MACROD2: variants seen among roughly 807,000 people sequenced by gnomAD.
The protein encoded by MACROD2 is mono-ADP ribosylhydrolase 2.
Under a neutral mutation model 70.4 loss-of-function variants are expected in MACROD2, and 36 were observed. That is an observed-to-expected ratio of 0.51 (90% confidence interval 0.39 to 0.68). The LOEUF is 0.68. MACROD2 is among the 30% of genes least tolerant of loss of function. The pLI, the probability that MACROD2 is intolerant of heterozygous loss-of-function variation, is 0.00. For synonymous variants in MACROD2, 172 were observed against 178.8 expected, an observed-to-expected ratio of 0.96 and a Z score of 0.30; for missense variants, 496 against 538.4, an observed-to-expected ratio of 0.92 and a Z score of 0.78.
intron 15 of MACROD2, among the ~76,000 whole-genome samples, chr20:15,994,999 T>A (rs1444187767): frequency 6.6e-6 from 1 of 152,168 alleles, no homozygotes; most frequent in Non-Finnish European, 1.5e-5. Context: ...TGAAAACTAC[T>A]ACACTGAGAC....
At chr20:14,727,118 G>A (rs964000056) in intron 5 of MACROD2, among the ~76,000 whole-genome samples, 6 of 152,130 alleles carry the variant, frequency 3.9e-5, no homozygotes, top group African/African-American at 1.4e-4. Context: ...TCATTAGGCT[G>A]AAAAGCATGC....
chr20:15,430,834 T>A (rs917949204), intron 6 of MACROD2, among the ~76,000 whole-genome samples: 3 of 152,004 alleles, frequency 2.0e-5, no homozygotes, highest in African/African-American at 4.8e-5. Context: ...TTTCACAGAA[T>A]GCTTTTGTTG....
chr20:14,724,119 T>C (rs2071501223), intron 5 of MACROD2, among the ~76,000 whole-genome samples: 1 of 152,188 alleles, frequency 6.6e-6, no homozygotes, highest in Admixed American at 6.5e-5. Flanking sequence ...CATTCAAATA[T>C]GCTGAGTGTT....
chr20:15,570,374 C>T (rs986907861), intron 8 of MACROD2, among the ~76,000 whole-genome samples: 1 of 152,138 alleles, frequency 6.6e-6, no homozygotes. Flanking sequence ...GCAAAGTTCT[C>T]TAATATGTAC....
chr20:14,293,644 G>A (rs1214935091), intron 3 of MACROD2, among the ~76,000 whole-genome samples: 3 of 151,896 alleles, frequency 2.0e-5, no homozygotes, highest in Non-Finnish European at 4.4e-5. Context: ...CTAGACCACT[G>A]TAAAGAGTGT....
At chr20:15,202,840 A>C (rs978910909) in intron 5 of MACROD2, among the ~76,000 whole-genome samples, 1 of 152,188 alleles carries the variant, frequency 6.6e-6, no homozygotes, top group Non-Finnish European at 1.5e-5. Context: ...AAGGAAAGTC[A>C]GAAGAGCAAA....
At chr20:14,254,137 AATTT>A (rs1210265931) in intron 3 of MACROD2, among the ~76,000 whole-genome samples, 1 of 152,044 alleles carries the variant, frequency 6.6e-6, no homozygotes, top group Non-Finnish European at 1.5e-5. Context: ...TTATGAAACG[AATTT>A]ATTTAATACA....
At chr20:15,020,984 G>T (rs998208050) in intron 5 of MACROD2, among the ~76,000 whole-genome samples, 1 of 147,346 alleles carries the variant, frequency 6.8e-6, no homozygotes, top group East Asian at 2.1e-4. Flanking sequence ...ATATACACAT[G>T]TGTGTATATG....
intron 3 of MACROD2, among the ~76,000 whole-genome samples, chr20:14,293,559 T>G (rs1346411796): frequency 6.6e-6 from 1 of 151,786 alleles, no homozygotes; most frequent in Non-Finnish European, 1.5e-5. Context: ...CCAAAACTGT[T>G]GCTAGATGTG....
chr20:16,019,820 C>A (rs1482576879), intron 15 of MACROD2, among the ~76,000 whole-genome samples: 1 of 152,122 alleles, frequency 6.6e-6, no homozygotes, highest in Non-Finnish European at 1.5e-5. Flanking sequence ...CAACTCCTGC[C>A]CAAGGCCCGG....
Position 14,457,698 on chromosome 20 carries a change from A to C in MACROD2, c.272-35781A>C, listed in dbSNP as rs189770888. Among the ~76,000 whole-genome samples, 209 of 152,276 alleles carry C rather than the reference A, an allele frequency of 1.4e-3. 3 individuals are homozygous for C. Among genetic ancestry groups the C allele is most frequent in the African/African-American group, 4.8e-3 (198 of 41,530 alleles). The stretch of plus-strand genomic sequence containing the variant: ...TATACCAAGGAGACCTTTGTTGGGG[A>C]AACAAGTTGAGAAATGATGATCCGT... On this transcript the variant is annotated intron_variant, in intron 3 of 17. Coordinates refer to ENST00000684519, the MANE Select transcript of MACROD2 (RefSeq NM_001351661.2).
chr20:14,562,027 A>G lies in MACROD2; in HGVS notation c.301+68519A>G, dbSNP rs139619079. ...AGTCCTTAGCAATAATCAACAATTT[A>G]CTGATTCAACAGGAGACATGTTACT... On this transcript the variant is annotated intron_variant, in intron 4 of 17. Transcript: ENST00000684519. Among the ~76,000 whole-genome samples the G allele has an allele frequency of 3.8e-3, 580 of 152,030 alleles. 5 individuals are homozygous for G. The highest frequency in any genetic ancestry group is 0.013 in the African/African-American group (559 of 41,534).
intron 6 of MACROD2, among the ~76,000 whole-genome samples, chr20:15,405,677 C>T (rs1479503668): frequency 6.6e-6 from 1 of 152,134 alleles, no homozygotes; most frequent in Non-Finnish European, 1.5e-5. Context: ...TTAATTCCTC[C>T]CACCTTGCAG....
At chr20:15,623,771 G>C (rs76916699) in intron 8 of MACROD2, among the ~76,000 whole-genome samples, 2 of 151,358 alleles carry the variant, frequency 1.3e-5, no homozygotes, top group Admixed American at 1.3e-4. Flanking sequence ...ATCTATCTAT[G>C]TGTCTATCTA....
intron 5 of MACROD2, among the ~76,000 whole-genome samples, chr20:15,215,612 T>A (rs984118415): frequency 6.6e-6 from 1 of 152,004 alleles, no homozygotes; most frequent in Non-Finnish European, 1.5e-5. Context: ...GAAAAAAGTG[T>A]GAAGGCATAT....
In MACROD2 at chr20:15,494,150, T is replaced by G. The variant is rs1190353126; in HGVS notation, c.572-5624T>G. Reference sequence around the variant, plus strand: ...TTGAAATGTGGTCAAGAGAATTTAATTAGAAAGTACATCTCAACATGCTAA... The same window carrying G: ...TTGAAATGTGGTCAAGAGAATTTAAGTAGAAAGTACATCTCAACATGCTAA... On this transcript the variant is annotated intron_variant, in intron 7 of 17. Coordinates refer to ENST00000684519, the MANE Select transcript of MACROD2 (RefSeq NM_001351661.2). 2.8e-4 allele frequency among the ~76,000 whole-genome samples: 43 copies of G among 152,212 alleles called. 1 individual carries two copies. The highest frequency in any genetic ancestry group is 4.4e-5 in the Non-Finnish European group (3 of 68,046).
intron 5 of MACROD2, among the ~76,000 whole-genome samples, chr20:14,766,705 T>C (rs1024959732): frequency 1.3e-5 from 2 of 152,154 alleles, no homozygotes; most frequent in Admixed American, 6.5e-5. Context: ...AAGGAATCCA[T>C]GTAGGATAGA....
intron 4 of MACROD2, among the ~76,000 whole-genome samples, chr20:14,681,454 TGA>T (rs2070931502): frequency 6.6e-6 from 1 of 152,100 alleles, no homozygotes; most frequent in Non-Finnish European, 1.5e-5. Flanking sequence ...ACAACACAGG[TGA>T]ATCTCAGAAA....
chr20:14,817,122 T>A (rs536087447), intron 5 of MACROD2, among the ~76,000 whole-genome samples: 24 of 152,302 alleles, frequency 1.6e-4, no homozygotes, highest in African/African-American at 5.3e-4. Context: ...TTTCCTTTCA[T>A]CCTCTTGTTT....
Sources: allele counts gnomAD v4.1 joint callset (sites outside exome capture counted in the v4.1 genomes callset), GRCh38; gene constraint gnomAD v4.1.1; transcripts MANE v1.5; gene names NCBI Gene and HGNC (gene_info 2026-07-23, HGNC 2026-07-21).